Variants in ADAMTS13 observed in about 807,000 individuals in gnomAD.
The protein encoded by ADAMTS13 is ADAM metallopeptidase with thrombospondin type 1 motif 13.
ADAMTS13 carries 110 observed loss-of-function variants against 155.1 expected under a neutral mutation model. The observed-to-expected ratio is 0.71, with a 90% CI of 0.61 to 0.83. ADAMTS13 has a LOEUF of 0.83. Ranked by LOEUF, ADAMTS13 falls within the 40% of genes least tolerant of loss-of-function variation. The pLI, the probability that ADAMTS13 is intolerant of heterozygous loss-of-function variation, is 0.00. For synonymous variants in ADAMTS13, 758 were observed against 756.4 expected, an observed-to-expected ratio of 1.00 and a Z score of -0.03; for missense variants, 1,707 against 1,891.7, an observed-to-expected ratio of 0.90 and a Z score of 1.81.
At position 133,425,743 on chromosome 9, in the gene ADAMTS13, G is replaced by A; in HGVS notation, c.414+131G>A. The A allele has an allele frequency of 3.6e-6, 5 of 1,392,392 alleles. No homozygotes were observed. The South Asian group carries it at 5.0e-5, about 14-fold the overall frequency. The allele number at this position is 1,392,392 out of a possible 1,614,324, so 86.3% of individuals were successfully genotyped here. ...ATCACAGAATGCATTCAGCCAGACA[G>A]ACCAGCTGCCCTCCCAGCTCTACCC... On this transcript the variant is annotated intron_variant, in intron 4 of 28. Coordinates refer to ENST00000355699, the MANE Select transcript of ADAMTS13 (RefSeq NM_139027.6). The surrounding 1 kb of genome is among the most constrained non-coding windows in gnomAD (Gnocchi z 4.6).
At chr9:133,443,829 G>C (rs961031283) in intron 19 of ADAMTS13, among the ~76,000 whole-genome samples, 2 of 152,092 alleles carry the variant, frequency 1.3e-5, no homozygotes, top group Non-Finnish European at 2.9e-5. Context: ...GGGGAGGGGG[G>C]GCTTCGAGGA....
chr9:133,441,339 T>G lies in ADAMTS13; in HGVS notation c.1968+814T>G, dbSNP rs782547126. On this transcript the variant is annotated intron_variant, in intron 16 of 28. Transcript: ENST00000355699. This position sits in a 1 kb window ranked among gnomAD's most constrained non-coding sequence, Gnocchi z 5.0. ...GAGCGGCTTATCCCTTCTCTTCCCC[T>G]GATATGGTTCCCTTCCTCCCCTCCC... is the stretch of plus-strand genomic sequence containing the variant. Among the ~76,000 whole-genome samples, 1 of 152,208 alleles carries G rather than the reference T, an allele frequency of 6.6e-6. No individual in the cohort carries two copies. Among genetic ancestry groups the G allele is most frequent in the Non-Finnish European group, 1.5e-5 (1 of 68,030 alleles).
In ADAMTS13 at chr9:133,459,072, G is replaced by A. The variant is rs782213683; in HGVS notation, c.4008G>A (p.Glu1336=). The A allele has an allele frequency of 6.2e-7, 1 of 1,612,976 alleles. No homozygotes were observed. Among genetic ancestry groups the A allele is most frequent in the Non-Finnish European group, 8.5e-7 (1 of 1,179,938 alleles). ...ESSQAEMEFS[E]GFLKAQASLR... is the part of the protein sequence containing the mutation. ...GCCAGGCTGAGATGGAGTTCAGCGAGGGCTTCCTGAAGGCTCAGGCCAGCC... is the reference window on the plus strand; with the variant it reads ...GCCAGGCTGAGATGGAGTTCAGCGAAGGCTTCCTGAAGGCTCAGGCCAGCC... The change falls in exon 29 of 29, where the codon GAG becomes GAA. Residue 1336 remains glutamate (E), a synonymous_variant. Coordinates refer to ENST00000355699, the MANE Select transcript of ADAMTS13 (RefSeq NM_139027.6).
At chr9:133,452,120 C>CTT (rs79700317) in intron 23 of ADAMTS13, among the ~76,000 whole-genome samples, 64 of 144,848 alleles carry the variant, frequency 4.4e-4, no homozygotes, top group Non-Finnish European at 6.7e-4. Flanking sequence ...TTTTCTTCTC[C>CTT]TTTTTTTTTT....
chr9:133,419,336 G>A (rs1235792286), upstream of ADAMTS13, among the ~76,000 whole-genome samples: 3 of 152,110 alleles, frequency 2.0e-5, no homozygotes, highest in East Asian at 3.8e-4. Context: ...TGAACGGGCC[G>A]TCAGTCACCA....
At chr9:133,455,950 C>A in intron 25 of ADAMTS13, 119 bp from the exon 26 acceptor site, 1 of 1,372,240 alleles carries the variant, frequency 7.3e-7, no homozygotes, top group Non-Finnish European at 1.0e-6. Context: ...TCCAGCTGGG[C>A]CTTGGAGGAC....
intron 27 of ADAMTS13, 61 bp from the exon 28 acceptor site, chr9:133,457,849 G>T: frequency 6.2e-7 from 1 of 1,606,374 alleles, no homozygotes; most frequent in Non-Finnish European, 8.5e-7. Flanking sequence ...GCTGTGAGTT[G>T]TCCTGGCCTC....
chr9:133,418,128 C>G, upstream of ADAMTS13: 3 of 478,040 alleles, frequency 6.3e-6, no homozygotes, highest in South Asian at 8.3e-5. Context: ...GGGACTTGGG[C>G]CGCCGCCTTA....
chr9:133,417,942 G>C, upstream of ADAMTS13: 2 of 1,146,278 alleles, frequency 1.7e-6, no homozygotes, highest in Non-Finnish European at 2.4e-6. Flanking sequence ...AGGCCAGGCC[G>C]AAACACACCC....
At chr9:133,453,861 C>T (rs963555953) in intron 23 of ADAMTS13, among the ~76,000 whole-genome samples, 1 of 152,034 alleles carries the variant, frequency 6.6e-6, no homozygotes, top group South Asian at 2.1e-4. Context: ...GCGGAAGGCA[C>T]GGGTCCAAGA....
Position 133,450,875 on chromosome 9 carries a change from C to T in ADAMTS13, c.3044+910C>T, listed in dbSNP as rs1048560544. ...TGGGAGGTGAAGTTTAAGCACCATGCAGGCAGGGTGCAGTGTGGGGAGGCC... is the reference window on the plus strand; with the variant it reads ...TGGGAGGTGAAGTTTAAGCACCATGTAGGCAGGGTGCAGTGTGGGGAGGCC... On this transcript the variant is annotated intron_variant, in intron 23 of 28. Coordinates refer to ENST00000355699, the MANE Select transcript of ADAMTS13 (RefSeq NM_139027.6). 7.4e-4 allele frequency among the ~76,000 whole-genome samples: 112 copies of T among 152,314 alleles called. 1 individual carries two copies. The highest frequency in any genetic ancestry group is 2.3e-3 in the African/African-American group (97 of 41,570).
At chr9:133,417,687 G>A (rs1554781961), upstream of ADAMTS13, 1 of 1,614,112 alleles carries the variant, frequency 6.2e-7, no homozygotes, top group Non-Finnish European at 8.5e-7. Context: ...CACAGCACCG[G>A]GGCCGCTTGC....
In ADAMTS13 at chr9:133,442,519, G is replaced by C. The variant is rs367818172; in HGVS notation, c.2089G>C (p.Val697Leu). 1 of 1,613,542 alleles carries C rather than the reference G, an allele frequency of 6.2e-7. No homozygotes were observed. Among genetic ancestry groups the C allele is most frequent in the South Asian group, 1.1e-5 (1 of 91,082 alleles). ...VWAAVRGPCS[V>L]SCGAGLRWVN... ...GGCCGCTGTGCGTGGGCCCTGCTCG[G>C]TGAGCTGTGGGGCAGGTGAGACCTG... is the stretch of plus-strand genomic sequence containing the variant. Residue 697 changes from valine to leucine, a missense_variant, in exon 17 of 29, where the codon GTG (valine) becomes CTG (leucine). By Grantham distance (32) the Val-to-Leu change is conservative. This residue lies in a region of ADAMTS13 where 961 missense variants were observed against 1,107.9 expected (regional missense o/e 0.87). Transcript: ENST00000355699.
intron 1 of ADAMTS13, among the ~76,000 whole-genome samples, chr9:133,416,804 G>T (rs587683055): frequency 3.3e-5 from 5 of 152,304 alleles, no homozygotes; most frequent in African/African-American, 1.2e-4. Flanking sequence ...TAGCGATGAT[G>T]GAAGTGTCCA....
Position 133,443,556 on chromosome 9 carries a change from T to A in ADAMTS13, c.2415T>A (p.Pro805=). 6.5e-7 allele frequency: 1 copy of A among 1,549,724 alleles called. No individual in the cohort carries two copies. Among genetic ancestry groups the A allele is most frequent in the South Asian group, 1.2e-5 (1 of 84,698 alleles). The part of the protein sequence containing the change: ...ALETCNPQPC[P]ARWEVSEPSS... ...AAACCTGCAACCCCCAGCCCTGCCC[T>A]GCCAGGTGAGCCCAGGGCTAGGTGG... is the stretch of plus-strand genomic sequence containing the variant. Residue 805 remains proline (P), a synonymous_variant, in exon 19 of 29, where the codon CCT becomes CCA. Transcript: ENST00000355699.
chr9:133,455,181 G>GCTT, intron 24 of ADAMTS13, 104 bp from the exon 25 acceptor site: 1 of 1,319,026 alleles, frequency 7.6e-7, no homozygotes, highest in Non-Finnish European at 1.1e-6. Context: ...CTGCCTCCCA[G>GCTT]CTTGTACAAG....
At position 133,456,894 on chromosome 9, in the gene ADAMTS13, G is replaced by T. The variant is rs1330581093; in HGVS notation, c.3724+175G>T. On this transcript the variant is annotated intron_variant, in intron 27 of 28. Coordinates refer to ENST00000355699, the MANE Select transcript of ADAMTS13 (RefSeq NM_139027.6). The surrounding 1 kb of genome is among the most constrained non-coding windows in gnomAD (Gnocchi z 4.4). The stretch of plus-strand genomic sequence containing the variant: ...TGTCAGTCTGCACGTGCCAGGGAGG[G>T]GTCACAGGATGAATGCTATATCCCT... The T allele has an allele frequency of 7.3e-6, 6 of 818,184 alleles. No homozygotes were observed. The East Asian group carries it at 1.6e-4, about 22-fold the overall frequency. The allele number at this position is 818,184 out of a possible 1,614,324, so 50.7% of individuals were successfully genotyped here.
intron 7 of ADAMTS13, chr9:133,429,706 C>T (rs782205511): frequency 5.6e-5 from 39 of 699,522 alleles, no homozygotes; most frequent in Middle Eastern, 4.9e-4. Flanking sequence ...TCAGACCCGT[C>T]CCTCCGTCGC....
intron 12 of ADAMTS13, 60 bp from the exon 13 acceptor site, chr9:133,437,689 G>T: frequency 6.2e-7 from 1 of 1,606,854 alleles, no homozygotes; most frequent in Non-Finnish European, 8.5e-7. Flanking sequence ...CTGGGTGGGG[G>T]CTGGGGGACT....
Sources: allele counts gnomAD v4.1 joint callset (sites outside exome capture counted in the v4.1 genomes callset), GRCh38; gene constraint gnomAD v4.1.1; regional missense constraint gnomAD v4.1.1; non-coding constraint Gnocchi (gnomAD v3.1); transcripts MANE v1.5; gene names NCBI Gene and HGNC (gene_info 2026-07-23, HGNC 2026-07-21).